SDCBP2: variants seen among roughly 807,000 people sequenced by gnomAD.
SDCBP2 encodes syndecan binding protein 2, also known as syntenin-2.
Under a neutral mutation model 30.7 loss-of-function variants are expected in SDCBP2, and 28 were observed. The ratio of observed to expected loss-of-function variants is 0.91; its 90% CI spans 0.68 to 1.25. The LOEUF (loss-of-function observed/expected upper bound fraction) is 1.25, where lower values mean the gene tolerates loss of function less well. SDCBP2 is among the 50% of genes most tolerant of loss of function. The probability of loss-of-function intolerance (pLI) is 0.00; values close to 1 mark genes in which losing one functional copy is unlikely to be tolerated. For missense variants in SDCBP2, 399 were observed against 379.0 expected (o/e 1.05, Z -0.44); for synonymous variants, 166 against 157.3 (o/e 1.06, Z -0.41).
rs1200890003 is a variant in SDCBP2 at position 1,313,675 on chromosome 20, C to G, written c.226-177G>C. 1.5e-6 allele frequency: 2 copies of G among 1,368,034 alleles called. No individual in the cohort carries two copies. The highest frequency in any genetic ancestry group is 6.9e-5 in the Admixed American group (2 of 28,846). The allele number at this position is 1,368,034 out of a possible 1,614,324, so 84.7% of individuals were successfully genotyped here. A position where few individuals can be genotyped will look rare whatever the true frequency, so the allele number is the denominator to read the frequency against. ...GAGGAGACGTGGCTCCACGCGGCCACTAGGGGGCGTCAAAGTCCATGCCCT... is the reference window on the plus strand; with the variant it reads ...GAGGAGACGTGGCTCCACGCGGCCAGTAGGGGGCGTCAAAGTCCATGCCCT... On this transcript the variant is annotated intron_variant, in intron 4 of 8. Coordinates refer to ENST00000360779, the MANE Select transcript of SDCBP2 (RefSeq NM_080489.5). This position sits in a 1 kb window ranked among gnomAD's most constrained non-coding sequence, Gnocchi z 5.2.
chr20:1,312,570 C>G lies in SDCBP2; in HGVS notation c.560+17G>C, dbSNP rs570741317. Reference sequence around the variant, plus strand: ...GCTGGGGTGAGACGGAGAGGCTGCCCGGGCCTGGCTACTCACCTGTCCCGA... The same window carrying G: ...GCTGGGGTGAGACGGAGAGGCTGCCGGGGCCTGGCTACTCACCTGTCCCGA... On this transcript the variant is annotated intron_variant, in intron 6 of 8. Coordinates refer to ENST00000360779, the MANE Select transcript of SDCBP2 (RefSeq NM_080489.5). 1.9e-6 allele frequency: 3 copies of G among 1,613,160 alleles called. No homozygotes were observed. The highest frequency in any genetic ancestry group is 2.2e-5 in the South Asian group (2 of 91,066).
Position 1,320,590 on chromosome 20 carries a change from T to C in SDCBP2, c.-19-155A>G, listed in dbSNP as rs2088838844. ...ATGCCTCCCCGAACTCCACCCCTAA[T>C]CCCCTGTCGATATTTGAACTCTACT... On this transcript the variant is annotated intron_variant, in intron 1 of 8. Coordinates refer to ENST00000360779, the MANE Select transcript of SDCBP2 (RefSeq NM_080489.5). This position sits in a 1 kb window ranked among gnomAD's most constrained non-coding sequence, Gnocchi z 4.7. 4 of 577,158 alleles carry C rather than the reference T, an allele frequency of 6.9e-6. No homozygotes were observed. In the South Asian group the frequency reaches 8.5e-5, roughly 12 times the overall value. 35.8% of individuals were successfully genotyped at this position (577,158 alleles called of 1,614,324 possible).
Position 1,320,297 on chromosome 20 carries a change from C to A in SDCBP2, c.54+66G>T, listed in dbSNP as rs1288396357. ...ATCTCCAAGTGGCCCCAGTACCCAG[C>A]ACCTTCCAGGGTAATCCCCAAGGTC... On this transcript the variant is annotated intron_variant, in intron 2 of 8. Transcript: ENST00000360779. The surrounding 1 kb of genome is among the most constrained non-coding windows in gnomAD (Gnocchi z 4.7). 1.4e-6 allele frequency: 2 copies of A among 1,473,400 alleles called. No homozygotes were observed. Among genetic ancestry groups the A allele is most frequent in the African/African-American group, 1.4e-5 (1 of 72,058 alleles). 91.3% of individuals were successfully genotyped at this position (1,473,400 alleles called of 1,614,324 possible).
chr20:1,311,668 G>A (rs531297180), intron 7 of SDCBP2, among the ~76,000 whole-genome samples: 12 of 152,292 alleles, frequency 7.9e-5, no homozygotes, highest in African/African-American at 2.9e-4. Context: ...AAAGACAAAC[G>A]ATCTCAAGAA....
In SDCBP2 at chr20:1,318,373, G is replaced by A; in HGVS notation, c.170C>T (p.Ser57Phe). The part of the protein sequence containing the change: ...LAELENYMGL[S>F]LSSQEVQESL... Reference sequence around the variant, plus strand: ...CTCCTGGACTTCTTGGCTGGAGAGGGAAAGACCCATATAATTTTCCAGTTC... The same window carrying A: ...CTCCTGGACTTCTTGGCTGGAGAGGAAAAGACCCATATAATTTTCCAGTTC... The change falls in exon 4 of 9, where the codon TCC (serine) becomes TTC (phenylalanine). Residue 57 changes from serine to phenylalanine, a missense_variant. Coordinates refer to ENST00000360779, the MANE Select transcript of SDCBP2 (RefSeq NM_080489.5). The A allele has an allele frequency of 6.2e-7, 1 of 1,611,582 alleles. No homozygotes were observed. Among genetic ancestry groups the A allele is most frequent in the Non-Finnish European group, 8.5e-7 (1 of 1,179,032 alleles).
intron 7 of SDCBP2, among the ~76,000 whole-genome samples, chr20:1,311,824 G>T (rs2088673975): frequency 6.6e-6 from 1 of 151,604 alleles, no homozygotes; most frequent in African/African-American, 2.4e-5. Flanking sequence ...AGGTGTCCAT[G>T]CAGCCAGCAA....
At chr20:1,314,508 A>AAAAAAAG (rs2088742543) in intron 4 of SDCBP2, among the ~76,000 whole-genome samples, 1 of 144,396 alleles carries the variant, frequency 6.9e-6, no homozygotes, top group African/African-American at 2.6e-5. Context: ...AAAAAAAAAA[A>AAAAAAAG]AAAGGAAAGG....
intron 7 of SDCBP2, among the ~76,000 whole-genome samples, chr20:1,311,742 C>T (rs567142023): frequency 1.1e-4 from 16 of 152,220 alleles, no homozygotes; most frequent in African/African-American, 2.9e-4. Context: ...TTCTGAATAA[C>T]GATTTTCTAA....
Position 1,312,445 on chromosome 20 carries a change from CT to C in SDCBP2, c.623del (p.Lys208ArgfsTer36). The C allele has an allele frequency of 1.2e-6, 2 of 1,614,164 alleles. No individual in the cohort carries two copies. The highest frequency in any genetic ancestry group is 1.7e-6 in the Non-Finnish European group (2 of 1,180,000). On this transcript the variant is annotated frameshift_variant, in exon 7 of 9. Transcript: ENST00000360779. LOFTEE classifies it high-confidence loss of function. ...DSMGHVGFVI[K>X]KGKIVSLVKG... ...TGACCAGAGAGACAATCTTCCCCTT[CT>C]TGATCACGAAGCCGACGTGGCCCAT...
At chr20:1,316,938 C>A (rs188388170) in intron 4 of SDCBP2, among the ~76,000 whole-genome samples, 1 of 152,188 alleles carries the variant, frequency 6.6e-6, no homozygotes. Flanking sequence ...ACACACACAA[C>A]AGCCTGGATG....
intron 4 of SDCBP2, among the ~76,000 whole-genome samples, chr20:1,316,828 A>G (rs58688022): frequency 0.023 from 3,439 of 152,314 alleles, 127 homozygotes; most frequent in African/African-American, 0.078. Flanking sequence ...ACCACCAAAA[A>G]CTGGGAACAA....
At chr20:1,312,547 T>C in intron 6 of SDCBP2, 39 bp from the exon 7 acceptor site, 1 of 1,613,876 alleles carries the variant, frequency 6.2e-7, no homozygotes, top group Non-Finnish European at 8.5e-7. Flanking sequence ...GGGACATGGC[T>C]GGGGTGAGAC....
intron 4 of SDCBP2, among the ~76,000 whole-genome samples, chr20:1,316,858 G>T (rs1432763207): frequency 6.6e-6 from 1 of 152,148 alleles, no homozygotes; most frequent in Non-Finnish European, 1.5e-5. Context: ...TCTTCAACAG[G>T]TTAAACAAAC....
At chr20:1,318,192 G>A (rs1463247455) in intron 4 of SDCBP2, 126 bp downstream of exon 4, 6 of 737,450 alleles carry the variant, frequency 8.1e-6, no homozygotes, top group Non-Finnish European at 1.5e-5. Flanking sequence ...AACAGAGCCA[G>A]CAGAGTGCTG....
Position 1,312,402 on chromosome 20 carries a change from G to A in SDCBP2, c.667C>T (p.Arg223Cys), listed in dbSNP as rs1048621. The A allele has an allele frequency of 0.25, 405,904 of 1,612,836 alleles. 54,492 individuals carry two copies. Among genetic ancestry groups the A allele is most frequent in the Non-Finnish European group, 0.28 (334,393 of 1,179,310 alleles). The stretch of plus-strand genomic sequence containing the variant: ...TAGTGGTTGGTGAGGAGCCCGTTGC[G>A]GGCCGCAGAACTCCCTTTGACCAGA... Reference protein sequence around the residue: ...VSLVKGSSAARNGLLTNHYVC... With the variant: ...VSLVKGSSAACNGLLTNHYVC... Residue 223 changes from arginine (R) to cysteine (C), a missense_variant, in exon 7 of 9, where the codon CGC becomes TGC. Arg to Cys is a radical substitution (Grantham distance 180). Coordinates refer to ENST00000360779, the MANE Select transcript of SDCBP2 (RefSeq NM_080489.5).
chr20:1,318,255 G>T, intron 4 of SDCBP2, 63 bp downstream of exon 4: 1 of 1,129,932 alleles, frequency 8.9e-7, no homozygotes, highest in South Asian at 1.2e-5. Flanking sequence ...GAAATGGCAA[G>T]ACCAGGAAAA....
rs1202943640 is a variant in SDCBP2 at position 1,313,362 on chromosome 20, A to C, written c.362T>G (p.Leu121Arg). The C allele has an allele frequency of 6.2e-7, 1 of 1,611,772 alleles. No individual in the cohort carries two copies. Among genetic ancestry groups the C allele is most frequent in the Non-Finnish European group, 8.5e-7 (1 of 1,179,626 alleles). Reference sequence around the variant, plus strand: ...TACCTGGTCGACCTTCCGCAGCCTCAGCCCGGTCTTGCCGCGCTCGTCCTT... The same window carrying C: ...TACCTGGTCGACCTTCCGCAGCCTCCGCCCGGTCTTGCCGCGCTCGTCCTT... The part of the protein sequence containing the change: ...LCKDERGKTG[L>R]RLRKVDQGLF... Residue 121 changes from leucine (L) to arginine (R), a missense_variant, in exon 5 of 9, where the codon CTG becomes CGG. Leu to Arg is a moderately radical substitution (Grantham distance 102). Coordinates refer to ENST00000360779, the MANE Select transcript of SDCBP2 (RefSeq NM_080489.5). This position sits in a 1 kb window ranked among gnomAD's most constrained non-coding sequence, Gnocchi z 5.2.
chr20:1,317,813 A>G lies in SDCBP2; in HGVS notation c.225+505T>C, dbSNP rs2088799456. 3.8e-5 allele frequency: 10 copies of G among 263,930 alleles called. No homozygotes were observed. In the South Asian group the frequency reaches 4.1e-4, roughly 11 times the overall value. The allele number at this position is 263,930 out of a possible 1,614,324, so 16.3% of individuals were successfully genotyped here. ...GTGGGACGCAGGGATGCTAGAGCTA[A>G]CTGGCAAGGGGCTTAGGCGGGGACT... On this transcript the variant is annotated intron_variant, in intron 4 of 8. Coordinates refer to ENST00000360779, the MANE Select transcript of SDCBP2 (RefSeq NM_080489.5).
chr20:1,328,542 C>T (rs1305455086), intron 1 of SDCBP2, among the ~76,000 whole-genome samples: 1 of 152,146 alleles, frequency 6.6e-6, no homozygotes, highest in East Asian at 1.9e-4. Context: ...CTCCTGTGTC[C>T]AGTATGTCCT....
Sources: gnomAD v4.1 joint callset for allele counts (sites outside exome capture counted in the v4.1 genomes callset) on GRCh38, gnomAD v4.1.1 for gene constraint, Gnocchi (gnomAD v3.1) non-coding constraint, MANE v1.5 for transcripts, NCBI Gene and HGNC (gene_info 2026-07-23, HGNC 2026-07-21) for gene names.